The following PPFIBP1 variants were observed in gnomAD, a reference collection of about 807,000 sequenced individuals.
PPFIBP1 encodes the protein PPFIB scaffold protein 1.
PPFIBP1 carries 112 observed loss-of-function variants against 137.8 expected under a neutral mutation model. The ratio of observed to expected loss-of-function variants is 0.81; its 90% CI spans 0.70 to 0.95. The LOEUF (loss-of-function observed/expected upper bound fraction) is 0.95. PPFIBP1 is among the 40% of genes least tolerant of loss of function. The probability of loss-of-function intolerance (pLI) is 0.00; values close to 1 mark genes in which losing one functional copy is unlikely to be tolerated. For synonymous variants in PPFIBP1, 378 were observed against 417.3 expected, an observed-to-expected ratio of 0.91 and a Z score of 1.15; for missense variants, 1,083 against 1,196.6, an observed-to-expected ratio of 0.91 and a Z score of 1.40.
At position 27,595,879 on chromosome 12, in the gene PPFIBP1, AC is replaced by A. The variant is rs1565837515; in HGVS notation, c.-36+17641del. 5.9e-3 allele frequency among the ~76,000 whole-genome samples: 273 copies of A among 46,468 alleles called. 1 individual carries two copies. The highest frequency in any genetic ancestry group is 0.017 in the African/African-American group (201 of 11,668). 30.5% of individuals were successfully genotyped at this position (46,468 alleles called of 152,430 possible). On this transcript the variant is annotated intron_variant, in intron 2 of 29. Coordinates refer to ENST00000228425, the MANE Select transcript of PPFIBP1 (RefSeq NM_003622.4). ...AACAACAACAACAACAACAACAACAACAACAAAATATATATATATATATATA... is the reference window on the plus strand; with the variant it reads ...AACAACAACAACAACAACAACAACAAAACAAAATATATATATATATATATA...
rs368278122 is a variant in PPFIBP1 at position 27,673,249 on chromosome 12, A to T, written c.1320-518A>T. Among the ~76,000 whole-genome samples the T allele has an allele frequency of 3.3e-5, 5 of 152,326 alleles. No individual in the cohort carries two copies. In the South Asian group the frequency reaches 6.2e-4, roughly 19 times the overall value. On this transcript the variant is annotated intron_variant, in intron 15 of 29. Transcript: ENST00000228425. ...ATAGTGTCTCTTTGCCTTCACTAGG[A>T]TAGCAAATGAATTATTATGGGCAGC...
chr12:27,616,785 A>T (rs981969547), intron 2 of PPFIBP1, among the ~76,000 whole-genome samples: 1 of 152,206 alleles, frequency 6.6e-6, no homozygotes, highest in Non-Finnish European at 1.5e-5. Context: ...GTTCCCCAGG[A>T]TTGGCTTTGA....
chr12:27,683,479 C>T (rs1053879491), intron 24 of PPFIBP1, among the ~76,000 whole-genome samples: 18 of 152,240 alleles, frequency 1.2e-4, no homozygotes, highest in African/African-American at 4.3e-4. Context: ...CTGACATCTT[C>T]AAGGACTTGT....
At chr12:27,592,938 G>A (rs868335164) in intron 2 of PPFIBP1, among the ~76,000 whole-genome samples, 4 of 151,840 alleles carry the variant, frequency 2.6e-5, no homozygotes, top group African/African-American at 7.3e-5. Context: ...TCAGGAGGTC[G>A]AGACAAGCCT....
chr12:27,682,143 G>T (rs966692426), intron 22 of PPFIBP1, among the ~76,000 whole-genome samples: 2 of 151,934 alleles, frequency 1.3e-5, no homozygotes, highest in Non-Finnish European at 2.9e-5. Flanking sequence ...GCATGCTACA[G>T]TTCCTAGCTT....
intron 1 of PPFIBP1, among the ~76,000 whole-genome samples, chr12:27,550,299 G>A (rs1484023647): frequency 6.6e-6 from 1 of 152,152 alleles, no homozygotes; most frequent in African/African-American, 2.4e-5. Flanking sequence ...TTGTCCCTAT[G>A]GAGTTTCTGT....
chr12:27,536,668 A>G (rs1196982248), intron 1 of PPFIBP1, among the ~76,000 whole-genome samples: 1 of 152,226 alleles, frequency 6.6e-6, no homozygotes, highest in Non-Finnish European at 1.5e-5. Context: ...TGGAGGGGCC[A>G]AACATCCAAA....
chr12:27,557,928 G>C (rs1326935185), intron 1 of PPFIBP1, among the ~76,000 whole-genome samples: 1 of 152,164 alleles, frequency 6.6e-6, no homozygotes, highest in Non-Finnish European at 1.5e-5. Flanking sequence ...CTCTAGTTTT[G>C]TTTCCTGATA....
At chr12:27,593,548 T>G (rs3751226) in intron 2 of PPFIBP1, 93,205 of 368,978 alleles carry the variant, frequency 0.25, 12,382 homozygotes, top group Middle Eastern at 0.32. Flanking sequence ...GGAGCTGCCG[T>G]ACAGCTGGAA....
At chr12:27,674,481 G>C (rs767473217) in intron 17 of PPFIBP1, among the ~76,000 whole-genome samples, 18 of 152,152 alleles carry the variant, frequency 1.2e-4, no homozygotes, top group Non-Finnish European at 2.6e-4. Flanking sequence ...TAAGGGTAAG[G>C]GGTTTTGCTT....
intron 1 of PPFIBP1, among the ~76,000 whole-genome samples, chr12:27,559,063 A>G (rs1279414238): frequency 6.6e-6 from 1 of 151,300 alleles, no homozygotes; most frequent in African/African-American, 2.4e-5. Flanking sequence ...ATGGGGCCTC[A>G]CTCTATTGCC....
intron 21 of PPFIBP1, among the ~76,000 whole-genome samples, chr12:27,681,235 C>A (rs2060855214): frequency 6.6e-6 from 1 of 152,218 alleles, no homozygotes; most frequent in African/African-American, 2.4e-5. Context: ...GGAATCCAAT[C>A]TTCAAACAAC....
At chr12:27,556,476 TGTTAG>T (rs1207481866) in intron 1 of PPFIBP1, among the ~76,000 whole-genome samples, 4 of 152,170 alleles carry the variant, frequency 2.6e-5, no homozygotes, top group African/African-American at 9.7e-5. Context: ...TAGCTTGCGT[TGTTAG>T]TTATACAGAT....
intron 5 of PPFIBP1, 77 bp from the exon 6 acceptor site, chr12:27,647,652 T>C: frequency 1.2e-6 from 1 of 816,708 alleles, no homozygotes; most frequent in Non-Finnish European, 1.9e-6. Context: ...CCTTTTTTTG[T>C]TCCATTTAGA....
In PPFIBP1 at chr12:27,684,587, G is replaced by A. The variant is rs1433551951; in HGVS notation, c.2247+1884G>A. Among the ~76,000 whole-genome samples the A allele has an allele frequency of 6.6e-5, 10 of 152,128 alleles. No homozygotes were observed. The East Asian group carries it at 1.3e-3, about 20-fold the overall frequency. On this transcript the variant is annotated intron_variant, in intron 24 of 29. Transcript: ENST00000228425. Reference sequence around the variant, plus strand: ...TTTTCTTCTCTGTCATTGAACCCAAGCCCCTTACCTTGATGAGCACATCAC... The same window carrying A: ...TTTTCTTCTCTGTCATTGAACCCAAACCCCTTACCTTGATGAGCACATCAC...
At chr12:27,644,216 A>G (rs933847069) in intron 4 of PPFIBP1, among the ~76,000 whole-genome samples, 4 of 145,272 alleles carry the variant, frequency 2.8e-5, no homozygotes, top group Non-Finnish European at 6.0e-5. Flanking sequence ...AACTAGGACC[A>G]CAGGCGCACA....
chr12:27,593,330 G>T, intron 2 of PPFIBP1: 1 of 391,362 alleles, frequency 2.6e-6, no homozygotes, highest in South Asian at 2.0e-5. Context: ...CTGCTTCCTA[G>T]TGGTCGTAAG....
chr12:27,655,431 G>A (rs1051926237), intron 8 of PPFIBP1, among the ~76,000 whole-genome samples: 30 of 152,088 alleles, frequency 2.0e-4, no homozygotes. Context: ...AATAATTGGT[G>A]AAAAATAATA....
intron 19 of PPFIBP1, 37 bp downstream of exon 19, chr12:27,677,133 G>T: frequency 6.2e-7 from 1 of 1,612,816 alleles, no homozygotes; most frequent in Non-Finnish European, 8.5e-7. Context: ...CACCAGCACT[G>T]TGCTCCAAAC....
Sources: allele counts gnomAD v4.1 joint callset (sites outside exome capture counted in the v4.1 genomes callset), GRCh38; gene constraint gnomAD v4.1.1; transcripts MANE v1.5; gene names NCBI Gene and HGNC (gene_info 2026-07-23, HGNC 2026-07-21).